XKR9: variants seen among roughly 807,000 people sequenced by gnomAD.
The protein encoded by XKR9 is XK-related protein 9.
Under a neutral mutation model 32.0 loss-of-function variants are expected in XKR9, and 32 were observed. The ratio of observed to expected loss-of-function variants is 1.00; its 90% CI spans 0.76 to 1.34. The LOEUF (loss-of-function observed/expected upper bound fraction) is 1.34. XKR9 is among the 40% of genes most tolerant of loss of function. The pLI, the probability that XKR9 is intolerant of heterozygous loss-of-function variation, is 0.00. For missense variants in XKR9, 546 were observed against 429.7 expected (o/e 1.27, Z -2.39); for synonymous variants, 168 against 143.4 (o/e 1.17, Z -1.22).
At chr8:70,761,191 T>C (rs932882087) in intron 2 of XKR9, among the ~76,000 whole-genome samples, 5 of 152,232 alleles carry the variant, frequency 3.3e-5, no homozygotes, top group African/African-American at 1.2e-4. Context: ...CATGTGTCTT[T>C]ATAGTAGAAC....
At chr8:70,704,075 G>A (rs1042101100) in intron 3 of XKR9, among the ~76,000 whole-genome samples, 8 of 152,068 alleles carry the variant, frequency 5.3e-5, no homozygotes, top group African/African-American at 1.7e-4. Context: ...CCAGCTACTC[G>A]GGAGGCTGAG....
At chr8:70,765,517 G>T (rs1807363340) in intron 2 of XKR9, among the ~76,000 whole-genome samples, 1 of 152,158 alleles carries the variant, frequency 6.6e-6, no homozygotes, top group African/African-American at 2.4e-5. Context: ...CTCCCATTCT[G>T]TAGGTTGCCT....
chr8:70,874,948 C>T, the XKR9 span, among the ~76,000 whole-genome samples: 1 of 152,098 alleles, frequency 6.6e-6, no homozygotes, highest in Admixed American at 6.6e-5. Flanking sequence ...GGTTGTTCTG[C>T]CTTCGGTCAC....
the XKR9 span, among the ~76,000 whole-genome samples, chr8:71,042,978 A>G: frequency 1.3e-5 from 2 of 152,180 alleles, no homozygotes; most frequent in Non-Finnish European, 2.9e-5. Flanking sequence ...ACTGAGGAGC[A>G]ACTCTGATAA....
the XKR9 span, among the ~76,000 whole-genome samples, chr8:70,887,108 A>G: frequency 6.6e-6 from 1 of 152,184 alleles, no homozygotes; most frequent in African/African-American, 2.4e-5. Flanking sequence ...TGTAATGTTT[A>G]AGGAAGGGGT....
the XKR9 span, among the ~76,000 whole-genome samples, chr8:70,931,531 A>G: frequency 1.8e-4 from 28 of 152,318 alleles, 1 homozygote; most frequent in East Asian, 5.0e-3. Context: ...GATTTTATGT[A>G]CATATTCTAC....
the XKR9 span, among the ~76,000 whole-genome samples, chr8:71,006,382 GT>G: frequency 8.6e-5 from 13 of 151,964 alleles, no homozygotes; most frequent in Non-Finnish European, 1.8e-4. Context: ...TATATTTTAT[GT>G]GTGGCCCAAG....
In XKR9 at chr8:70,735,423, CTTTG is replaced by C. The variant is rs918538785; in HGVS notation, c.*1003_*1006del. The C allele has an allele frequency of 1.1e-4, 16 of 150,890 alleles. No homozygotes were observed. Among genetic ancestry groups the C allele is most frequent in the East Asian group, 3.9e-4 (2 of 5,166 alleles). 9.3% of individuals were successfully genotyped at this position (150,890 alleles called of 1,614,324 possible). ...TGATGGCATTTGGAAGTGGTGGGGA[CTTTG>C]TTTATTTATTTATTTTTAATTTTTT... On this transcript the variant is annotated 3_prime_UTR_variant, in exon 5 of 5. Coordinates refer to ENST00000408926, the MANE Select transcript of XKR9 (RefSeq NM_001011720.2).
intron 2 of XKR9, among the ~76,000 whole-genome samples, chr8:70,773,584 T>A (rs982007815): frequency 6.6e-6 from 1 of 152,184 alleles, no homozygotes; most frequent in Non-Finnish European, 1.5e-5. Flanking sequence ...TTTTATGATG[T>A]GTATGGATCA....
chr8:70,926,624 G>T, the XKR9 span, among the ~76,000 whole-genome samples: 1 of 152,160 alleles, frequency 6.6e-6, no homozygotes, highest in African/African-American at 2.4e-5. Context: ...GAGGAGAATT[G>T]TTTATTTCAA....
At chr8:70,789,121 A>G (rs764943511) in intron 2 of XKR9, among the ~76,000 whole-genome samples, 15 of 152,044 alleles carry the variant, frequency 9.9e-5, no homozygotes, top group Non-Finnish European at 1.6e-4. Flanking sequence ...ATTTCTTGCC[A>G]ATTTCATTTA....
chr8:70,726,136 C>G (rs1169689263), intron 4 of XKR9, among the ~76,000 whole-genome samples: 1 of 152,050 alleles, frequency 6.6e-6, no homozygotes, highest in Non-Finnish European at 1.5e-5. Context: ...AAAAATGAAG[C>G]AAGAACACAC....
intron 2 of XKR9, among the ~76,000 whole-genome samples, chr8:70,749,932 A>T (rs1279530238): frequency 6.6e-6 from 1 of 152,216 alleles, no homozygotes; most frequent in East Asian, 1.9e-4. Context: ...GAGACTGTTA[A>T]ATACAAGTAG....
intron 2 of XKR9, among the ~76,000 whole-genome samples, chr8:70,773,707 T>C (rs965120455): frequency 2.0e-5 from 3 of 152,194 alleles, no homozygotes; most frequent in African/African-American, 7.2e-5. Context: ...CTGATTTATT[T>C]GCTTCCTATG....
the XKR9 span, among the ~76,000 whole-genome samples, chr8:71,005,208 T>C: frequency 6.9e-6 from 1 of 143,886 alleles, no homozygotes; most frequent in South Asian, 2.1e-4. Flanking sequence ...GGCTCAGTTT[T>C]TTTTTCTTTT....
chr8:70,767,496 C>CTTTTT lies in XKR9; in HGVS notation n.353-21827_353-21823dup, dbSNP rs34400671. Among the ~76,000 whole-genome samples, 255 of 99,330 alleles carry CTTTTT rather than the reference C, an allele frequency of 2.6e-3. 4 individuals carry two copies. Among genetic ancestry groups the CTTTTT allele is most frequent in the Non-Finnish European group, 3.8e-3 (198 of 52,138 alleles). The allele number at this position is 99,330 out of a possible 152,430, so 65.2% of individuals were successfully genotyped here. On this transcript the variant is annotated intron_variant and non_coding_transcript_variant, in intron 2 of 3. Transcript: ENST00000520273. The stretch of plus-strand genomic sequence containing the variant: ...TATTTGATTCTTCTCTCTTTTCCTT[C>CTTTTT]TTTTTTTTTTTTTTTTTTTTGAGAT...
intron 4 of XKR9, among the ~76,000 whole-genome samples, chr8:70,733,546 C>T (rs1229778825): frequency 6.6e-6 from 1 of 151,748 alleles, no homozygotes; most frequent in African/African-American, 2.4e-5. Flanking sequence ...TAAATCTATC[C>T]ACTTTGGAAT....
chr8:70,804,301 T>C, the XKR9 span, among the ~76,000 whole-genome samples: 1 of 152,236 alleles, frequency 6.6e-6, no homozygotes, highest in Non-Finnish European at 1.5e-5. Context: ...GCCCTTCCAC[T>C]GAGTTCACAG....
chr8:70,947,613 C>T, the XKR9 span, among the ~76,000 whole-genome samples: 1 of 152,152 alleles, frequency 6.6e-6, no homozygotes, highest in Admixed American at 6.5e-5. Flanking sequence ...TAAGAAAATA[C>T]ATATTCCAAC....
Sources: gnomAD v4.1 joint callset for allele counts (sites outside exome capture counted in the v4.1 genomes callset) on GRCh38, gnomAD v4.1.1 for gene constraint, MANE v1.5 for transcripts, NCBI Gene and HGNC (gene_info 2026-07-23, HGNC 2026-07-21) for gene names.